The following RBFOX1 variants were observed in gnomAD, a reference collection of about 807,000 sequenced individuals.
RBFOX1 encodes RNA binding protein fox-1 homolog 1.
RBFOX1 carries 8 observed loss-of-function variants against 57.7 expected under a neutral mutation model. The observed-to-expected ratio is 0.14, with a 90% CI of 0.08 to 0.25. RBFOX1 has a LOEUF of 0.25. RBFOX1 is among the 10% of genes least tolerant of loss of function. The pLI, the probability that RBFOX1 is intolerant of heterozygous loss-of-function variation, is 1.00. For synonymous variants in RBFOX1, 326 were observed against 222.4 expected (o/e 1.47, Z -4.15); for missense variants, 611 against 548.5 (o/e 1.11, Z -1.14).
At chr16:7,244,262 A>C (rs921054295) in intron 4 of RBFOX1, among the ~76,000 whole-genome samples, 3 of 145,504 alleles carry the variant, frequency 2.1e-5, no homozygotes, top group Non-Finnish European at 4.4e-5. Context: ...AAAAAAAAAA[A>C]AAAAAAAAAC....
At chr16:6,678,010 C>T (rs866680714) in intron 3 of RBFOX1, among the ~76,000 whole-genome samples, 2 of 152,164 alleles carry the variant, frequency 1.3e-5, no homozygotes, top group Non-Finnish European at 2.9e-5. Context: ...TTTCTAGTAG[C>T]AACATTAAAA....
At position 5,862,441 on chromosome 16, in the gene RBFOX1, G is replaced by T. The variant is rs532185063; in HGVS notation, c.319-4862G>T. Among the ~76,000 whole-genome samples, 631 of 152,262 alleles carry T rather than the reference G, an allele frequency of 4.1e-3. 6 individuals carry two copies. Among genetic ancestry groups the T allele is most frequent in the Non-Finnish European group, 7.0e-3 (473 of 68,006 alleles). On this transcript the variant is annotated intron_variant, in intron 3 of 19. Coordinates refer to the RBFOX1 transcript ENST00000641259. ...GGTCGCTTGTAGCACCGTTGGCACA[G>T]CCATCCCTACTGTAAATACTGGAGG...
intron 1 of RBFOX1, among the ~76,000 whole-genome samples, chr16:6,274,450 A>G (rs1366008886): frequency 6.6e-6 from 1 of 152,196 alleles, no homozygotes; most frequent in Non-Finnish European, 1.5e-5. Context: ...CGCATGAAAA[A>G]TTCCAATTTA....
chr16:6,148,194 G>A (rs1269711389), intron 1 of RBFOX1, among the ~76,000 whole-genome samples: 1 of 152,186 alleles, frequency 6.6e-6, no homozygotes, highest in East Asian at 1.9e-4. Context: ...GAGTGTGGTG[G>A]CATGTACCTG....
At chr16:6,864,236 T>G (rs564408976) in intron 3 of RBFOX1, among the ~76,000 whole-genome samples, 16 of 152,310 alleles carry the variant, frequency 1.1e-4, no homozygotes, top group African/African-American at 3.8e-4. Flanking sequence ...CTAGGGTTCT[T>G]CTCAAAGCAT....
intron 4 of RBFOX1, among the ~76,000 whole-genome samples, chr16:7,176,211 G>T (rs2152490998): frequency 9.4e-6 from 1 of 106,214 alleles, no homozygotes; most frequent in Non-Finnish European, 1.9e-5. Flanking sequence ...ACTGTAAAAT[G>T]AGATTAATAA....
At chr16:5,350,870 AAATCATAATCATAATCAT>A (rs60231528) in intron 1 of RBFOX1, among the ~76,000 whole-genome samples, 1,693 of 150,368 alleles carry the variant, frequency 0.011, 16 homozygotes, top group Non-Finnish European at 0.017. Flanking sequence ...CATCTCAAGA[AAATCATAATCATAATCAT>A]AATCATAATC....
intron 3 of RBFOX1, among the ~76,000 whole-genome samples, chr16:7,010,196 AT>A (rs1465067136): frequency 5.3e-5 from 8 of 152,372 alleles, no homozygotes; most frequent in Admixed American, 4.6e-4. Flanking sequence ...TCCCTTATAC[AT>A]ATATGTCATT....
At chr16:6,086,455 C>G (rs1463001244) in intron 1 of RBFOX1, among the ~76,000 whole-genome samples, 1 of 152,126 alleles carries the variant, frequency 6.6e-6, no homozygotes, top group Non-Finnish European at 1.5e-5. Flanking sequence ...TTCACCAGCA[C>G]TGTCTGAGAG....
At chr16:5,762,738 T>C (rs529959170) in intron 3 of RBFOX1, among the ~76,000 whole-genome samples, 1 of 152,318 alleles carries the variant, frequency 6.6e-6, no homozygotes, top group African/African-American at 2.4e-5. Context: ...ATGGAATCCT[T>C]TGCAGCCATT....
chr16:6,746,338 T>A (rs2073633008), intron 3 of RBFOX1, among the ~76,000 whole-genome samples: 1 of 152,018 alleles, frequency 6.6e-6, no homozygotes. Flanking sequence ...TTTGGGAAGA[T>A]GAATACTGTA....
At chr16:6,350,784 A>G (rs2086223629) in intron 2 of RBFOX1, among the ~76,000 whole-genome samples, 1 of 152,200 alleles carries the variant, frequency 6.6e-6, no homozygotes, top group Non-Finnish European at 1.5e-5. Flanking sequence ...AATAAGTTCA[A>G]CAAAAACTTA....
At chr16:5,653,690 T>C (rs1250042043) in intron 3 of RBFOX1, among the ~76,000 whole-genome samples, 2 of 152,184 alleles carry the variant, frequency 1.3e-5, no homozygotes, top group Non-Finnish European at 2.9e-5. Flanking sequence ...GGGCAGGTGC[T>C]GGCTCTGAGA....
chr16:5,732,284 C>T (rs866239883), intron 3 of RBFOX1, among the ~76,000 whole-genome samples: 4 of 152,116 alleles, frequency 2.6e-5, no homozygotes, highest in Non-Finnish European at 5.9e-5. Flanking sequence ...TATTAAAATT[C>T]AAGAGTTTAA....
intron 3 of RBFOX1, among the ~76,000 whole-genome samples, chr16:5,864,001 C>A (rs1208207200): frequency 6.6e-6 from 1 of 152,032 alleles, no homozygotes; most frequent in Non-Finnish European, 1.5e-5. Flanking sequence ...TGATTTCATC[C>A]CCCAGGTATT....
intron 4 of RBFOX1, among the ~76,000 whole-genome samples, chr16:7,331,934 G>T (rs764294205): frequency 6.6e-6 from 1 of 152,268 alleles, no homozygotes; most frequent in East Asian, 1.9e-4. Context: ...ATCTGTGCTT[G>T]AATGTATTTT....
At chr16:6,167,150 A>G (rs539118028) in intron 1 of RBFOX1, among the ~76,000 whole-genome samples, 1 of 152,336 alleles carries the variant, frequency 6.6e-6, no homozygotes, top group South Asian at 2.1e-4. Flanking sequence ...TTGTGTTGCT[A>G]AAAGAAGGGC....
At chr16:5,361,677 G>T (rs1376524788) in intron 1 of RBFOX1, among the ~76,000 whole-genome samples, 2 of 152,194 alleles carry the variant, frequency 1.3e-5, no homozygotes, top group African/African-American at 4.8e-5. Flanking sequence ...GAAGGTAGAT[G>T]GTTGCCGAGC....
chr16:5,247,176 G>C (rs1455344250), intron 1 of RBFOX1, among the ~76,000 whole-genome samples: 3 of 152,178 alleles, frequency 2.0e-5, no homozygotes, highest in East Asian at 3.8e-4. Flanking sequence ...AGGCCAGTTG[G>C]GGGAGGAGGG....
Sources: gnomAD v4.1 joint callset for allele counts (sites outside exome capture counted in the v4.1 genomes callset) on GRCh38, gnomAD v4.1.1 for gene constraint, MANE v1.5 for transcripts, NCBI Gene and HGNC (gene_info 2026-07-23, HGNC 2026-07-21) for gene names.